The following COL11A1 variants were observed in gnomAD, a reference collection of about 807,000 sequenced individuals.
The protein encoded by COL11A1 is collagen type XI alpha 1 chain, also known as collagen alpha-1(XI) chain.
A neutral mutation model predicts 265.2 loss-of-function variants in COL11A1; 74 were observed. The ratio of observed to expected loss-of-function variants is 0.28; its 90% CI spans 0.23 to 0.34. The LOEUF (loss-of-function observed/expected upper bound fraction) is 0.34. COL11A1 is among the 10% of genes least tolerant of loss of function. COL11A1 has a pLI of 1.00. For missense variants in COL11A1, 2,165 were observed against 2,263.6 expected (o/e 0.96, Z 0.88); for synonymous variants, 816 against 727.6 (o/e 1.12, Z -1.96).
At chr1:102,927,685 C>T (rs753506974) in intron 46 of COL11A1, among the ~76,000 whole-genome samples, 1 of 152,024 alleles carries the variant, frequency 6.6e-6, no homozygotes. Context: ...TAGAAGGTAT[C>T]TGTTCTGGAA....
At chr1:103,011,678 A>C (rs1439656515) in intron 14 of COL11A1, among the ~76,000 whole-genome samples, 2 of 151,922 alleles carry the variant, frequency 1.3e-5, no homozygotes, top group Admixed American at 6.6e-5. Flanking sequence ...CTTTCAGAAT[A>C]ATACGTTCTG....
intron 13 of COL11A1, among the ~76,000 whole-genome samples, chr1:103,013,973 A>G (rs112951540): frequency 0.031 from 4,651 of 152,142 alleles, 265 homozygotes; most frequent in African/African-American, 0.11. Flanking sequence ...ACTAAAAAAC[A>G]TAAATTGAAA....
intron 31 of COL11A1, among the ~76,000 whole-genome samples, chr1:102,979,910 A>G (rs1161066154): frequency 6.6e-6 from 1 of 152,158 alleles, no homozygotes; most frequent in East Asian, 1.9e-4. Flanking sequence ...TTACACTTTT[A>G]AAACTGGATC....
intron 4 of COL11A1, among the ~76,000 whole-genome samples, chr1:103,037,892 C>A (rs912715435): frequency 6.6e-6 from 1 of 152,094 alleles, no homozygotes; most frequent in African/African-American, 2.4e-5. Flanking sequence ...GATATTTCAT[C>A]TCCCTAAATG....
In COL11A1 at chr1:103,015,670, G is replaced by C. The variant is rs1157193227; in HGVS notation, c.1486C>G (p.Pro496Ala). 5 of 1,604,152 alleles carry C rather than the reference G, an allele frequency of 3.1e-6. No individual in the cohort carries two copies. Among genetic ancestry groups the C allele is most frequent in the South Asian group, 1.1e-5 (1 of 89,956 alleles). ...CTATAACATAAAAAAGAACATACCG[G>C]TAACATCAACATAGTACCAGGAGGA... ...PGPPGTMLML[P>A]FRYGGDGSKG... The change falls in exon 12 of 67, where the codon CCG (proline) becomes GCG (alanine). Residue 496 changes from proline to alanine, a missense_variant and splice_region_variant. Physicochemically the swap from Pro to Ala is conservative, Grantham distance 27. Coordinates refer to ENST00000370096, the MANE Select transcript of COL11A1 (RefSeq NM_001854.4).
intron 4 of COL11A1, among the ~76,000 whole-genome samples, chr1:103,049,791 C>G (rs976872861): frequency 2.6e-5 from 4 of 152,096 alleles, no homozygotes; most frequent in Admixed American, 1.3e-4. Flanking sequence ...GTAGGGTAGG[C>G]CTGGTGGTGA....
At chr1:103,086,172 G>A (rs990823367) in intron 1 of COL11A1, among the ~76,000 whole-genome samples, 2 of 152,228 alleles carry the variant, frequency 1.3e-5, no homozygotes, top group East Asian at 3.9e-4. Flanking sequence ...AAATGACTCT[G>A]AAGAAGAATG....
In COL11A1 at chr1:103,078,691, G is replaced by A; in HGVS notation, c.455C>T (p.Pro152Leu). ...AGCGATGTTAACAGTTCTGAAGAGGGGATAGTCTTCTGGGGCAGGTTTTCC... is the reference window on the plus strand; with the variant it reads ...AGCGATGTTAACAGTTCTGAAGAGGAGATAGTCTTCTGGGGCAGGTTTTCC... ...HTGKPAPEDY[P>L]LFRTVNIADG... Residue 152 changes from proline to leucine, a missense_variant, in exon 3 of 67, where the codon CCC (proline) becomes CTC (leucine). Transcript: ENST00000370096. 1 of 1,613,328 alleles carries A rather than the reference G, an allele frequency of 6.2e-7. No individual in the cohort carries two copies. Among genetic ancestry groups the A allele is most frequent in the Non-Finnish European group, 8.5e-7 (1 of 1,179,576 alleles).
chr1:102,900,816 G>A (rs1160740173), intron 54 of COL11A1, among the ~76,000 whole-genome samples: 2 of 152,102 alleles, frequency 1.3e-5, no homozygotes, highest in Non-Finnish European at 2.9e-5. Flanking sequence ...ATCTGTCATA[G>A]TAAAAATTTT....
intron 4 of COL11A1, among the ~76,000 whole-genome samples, chr1:103,034,325 A>G (rs2102012006): frequency 6.6e-6 from 1 of 152,020 alleles, no homozygotes; most frequent in South Asian, 2.1e-4. Context: ...TATTATGCCT[A>G]TTTTGGAATG....
intron 46 of COL11A1, among the ~76,000 whole-genome samples, chr1:102,924,604 ATGTT>A (rs1166933612): frequency 6.6e-6 from 1 of 152,214 alleles, no homozygotes; most frequent in Non-Finnish European, 1.5e-5. Context: ...AAAAATTAAA[ATGTT>A]TGTTGAATGA....
intron 54 of COL11A1, among the ~76,000 whole-genome samples, chr1:102,901,256 C>T (rs925739795): frequency 2.0e-5 from 3 of 150,246 alleles, no homozygotes; most frequent in Non-Finnish European, 4.4e-5. Context: ...GGAGGCAGAA[C>T]TTGCAGTGAG....
intron 41 of COL11A1, among the ~76,000 whole-genome samples, chr1:102,949,025 G>T (rs1055325158): frequency 1.3e-5 from 2 of 151,982 alleles, no homozygotes; most frequent in African/African-American, 4.8e-5. Flanking sequence ...CAAGGTCTAT[G>T]AATTGAGAGG....
chr1:102,988,909 G>C (rs1226983475), intron 29 of COL11A1, among the ~76,000 whole-genome samples: 1 of 151,944 alleles, frequency 6.6e-6, no homozygotes, highest in Non-Finnish European at 1.5e-5. Flanking sequence ...TTGAATTTTA[G>C]GAAAAGAAAT....
chr1:103,069,175 A>G (rs2102249368), intron 4 of COL11A1, among the ~76,000 whole-genome samples: 1 of 151,696 alleles, frequency 6.6e-6, no homozygotes, highest in South Asian at 2.1e-4. Context: ...GTTTTCTAAA[A>G]CTACAGTAAT....
At position 102,878,074 on chromosome 1, in the gene COL11A1, C is replaced by T. The variant is rs1649719828; in HGVS notation, c.5366G>A (p.Gly1789Asp). 3 of 1,613,480 alleles carry T rather than the reference C, an allele frequency of 1.9e-6. No individual in the cohort carries two copies. In the South Asian group the frequency reaches 3.3e-5, roughly 18 times the overall value. Residue 1789 changes from glycine to aspartate, a missense_variant, in exon 67 of 67, where the codon GGT (glycine) becomes GAT (aspartate). Gly to Asp is a moderately conservative substitution (Grantham distance 94, BLOSUM62 -1). Transcript: ENST00000370096. ...AAATCCGAACTTCTGATTCTGATCA[C>T]CAAAGTCATTGATCATGACATCAAC... ...PIVDVMINDF[G>D]DQNQKFGFEV...
intron 41 of COL11A1, among the ~76,000 whole-genome samples, chr1:102,961,433 C>A (rs1660896183): frequency 6.6e-6 from 1 of 151,930 alleles, no homozygotes; most frequent in African/African-American, 2.4e-5. Flanking sequence ...TACTTATAAA[C>A]AAATTAAATA....
At chr1:102,998,063 T>A (rs559112307) in intron 25 of COL11A1, among the ~76,000 whole-genome samples, 1 of 151,792 alleles carries the variant, frequency 6.6e-6, no homozygotes, top group Non-Finnish European at 1.5e-5. Flanking sequence ...TGAAAAAAAA[T>A]ATGAGATTCT....
chr1:103,041,214 GATTT>G (rs1668786656), intron 4 of COL11A1, among the ~76,000 whole-genome samples: 1 of 151,676 alleles, frequency 6.6e-6, no homozygotes, highest in Non-Finnish European at 1.5e-5. Flanking sequence ...GTAAATTTTA[GATTT>G]ATTTTTAAAG....
Sources: gnomAD v4.1 joint callset for allele counts (sites outside exome capture counted in the v4.1 genomes callset) on GRCh38, gnomAD v4.1.1 for gene constraint, MANE v1.5 for transcripts, NCBI Gene and HGNC (gene_info 2026-07-23, HGNC 2026-07-21) for gene names.